The following SUN1 variants were observed in gnomAD, a reference collection of about 807,000 sequenced individuals.
SUN1 encodes the protein SUN domain-containing protein 1.
Under a neutral mutation model 103.2 loss-of-function variants are expected in SUN1, and 61 were observed. The observed-to-expected ratio is 0.59, with a 90% CI of 0.48 to 0.73. The LOEUF (loss-of-function observed/expected upper bound fraction) is 0.73, where lower values mean the gene tolerates loss of function less well. Ranked by LOEUF, SUN1 falls within the 30% of genes least tolerant of loss-of-function variation. SUN1 has a pLI of 0.00. For missense variants in SUN1, 1,052 were observed against 1,034.6 expected (o/e 1.02, Z -0.23); for synonymous variants, 490 against 425.7 (o/e 1.15, Z -1.86).
At chr7:845,731 A>G (rs1394351143) in intron 5 of SUN1, among the ~76,000 whole-genome samples, 1 of 152,214 alleles carries the variant, frequency 6.6e-6, no homozygotes, top group African/African-American at 2.4e-5. Context: ...GTCTTTCAGT[A>G]GTACAGATAA....
rs750763397 is a variant in SUN1 at position 857,916 on chromosome 7, G to A, written c.1483G>A (p.Val495Met). The A allele has an allele frequency of 1.2e-5, 20 of 1,600,760 alleles. No individual in the cohort carries two copies. Among genetic ancestry groups the A allele is most frequent in the East Asian group, 9.0e-5 (4 of 44,428 alleles). ...LKSELSSWRH[V>M]KTGCETVDAV... Reference sequence around the variant, plus strand: ...GTCAGAGCTGTCCAGCTGGCGACACGTGAAGACCGGCTGTGAGACAGTGGA... The same window carrying A: ...GTCAGAGCTGTCCAGCTGGCGACACATGAAGACCGGCTGTGAGACAGTGGA... Residue 495 changes from valine (V) to methionine (M), a missense_variant, in exon 13 of 19, where the codon GTG becomes ATG. By Grantham distance (21) the Val-to-Met change is conservative. Coordinates refer to ENST00000401592, the MANE Select transcript of SUN1 (RefSeq NM_001130965.3).
rs1784996434 is a variant in SUN1 at position 820,579 on chromosome 7, G to A, written c.-74+3906G>A. On this transcript the variant is annotated intron_variant, in intron 1 of 17. Transcript: ENST00000389574. ...TATGCCTCTTGACTGATTGCTCTGGGGAGAACTTCCAGTATAGTGTTGAAG... is the reference window on the plus strand; with the variant it reads ...TATGCCTCTTGACTGATTGCTCTGGAGAGAACTTCCAGTATAGTGTTGAAG... Among the ~76,000 whole-genome samples the A allele has an allele frequency of 2.0e-5, 3 of 152,122 alleles. No individual in the cohort carries two copies. The South Asian group carries it at 6.2e-4, about 32-fold the overall frequency.
At chr7:847,359 T>C (rs1416514617) in intron 5 of SUN1, among the ~76,000 whole-genome samples, 2 of 110,870 alleles carry the variant, frequency 1.8e-5, no homozygotes, top group African/African-American at 3.5e-5. Flanking sequence ...GCGCCCTCTC[T>C]GGGATCTCCT....
Position 857,852 on chromosome 7 carries a change from C to G in SUN1, c.1419C>G (p.Pro473=). 1 of 1,591,614 alleles carries G rather than the reference C, an allele frequency of 6.3e-7. No homozygotes were observed. Among genetic ancestry groups the G allele is most frequent in the African/African-American group, 1.3e-5 (1 of 74,426 alleles). ...TISAVGEQLL[P]TVEHLQLELD... ...GTGCGGTTGGTGAGCAGCTCCTGCC[C>G]ACAGTCGAGCACCTCCAGCTGGAGC... The change falls in exon 13 of 19, where the codon CCC becomes CCG. Residue 473 remains proline (P), a synonymous_variant. Transcript: ENST00000401592.
At chr7:836,643 G>A (rs900005487) in intron 1 of SUN1, among the ~76,000 whole-genome samples, 4 of 152,320 alleles carry the variant, frequency 2.6e-5, no homozygotes, top group African/African-American at 9.6e-5. Flanking sequence ...TGAAGCCTTC[G>A]TGTTCTGTCC....
intron 1 of SUN1, 55 bp downstream of exon 1, chr7:832,656 C>T (rs1044605945): frequency 1.2e-5 from 17 of 1,452,868 alleles, no homozygotes; most frequent in South Asian, 4.7e-5. Flanking sequence ...CTCGCTGTCG[C>T]GGTGGCGTGG....
chr7:854,213 G>A (rs1824916697), intron 10 of SUN1, among the ~76,000 whole-genome samples: 1 of 152,234 alleles, frequency 6.6e-6, no homozygotes, highest in Non-Finnish European at 1.5e-5. Flanking sequence ...GATTGAGCCT[G>A]TTCTTAAGCC....
At chr7:868,494 G>C (rs572480549) in intron 16 of SUN1, 38 of 305,644 alleles carry the variant, frequency 1.2e-4, no homozygotes, top group Middle Eastern at 1.2e-3. Context: ...TGGTCGGATG[G>C]GGGGGCAGTG....
rs1811934380 is a variant in SUN1, at chr7:843,241, T to G, written c.478+9T>G. The G allele has an allele frequency of 6.2e-7, 1 of 1,609,802 alleles. No homozygotes were observed. The highest frequency in any genetic ancestry group is 2.2e-5 in the East Asian group (1 of 44,882). On this transcript the variant is annotated intron_variant, in intron 4 of 18. Transcript: ENST00000401592. ...TGATGGTGATCTTAAAGGTAATTAT[T>G]TTAGTCCTTTTATCTTCATATACTT... is the stretch of plus-strand genomic sequence containing the variant.
intron 7 of SUN1, 76 bp downstream of exon 7, chr7:852,119 T>G (rs1822788646): frequency 1.6e-6 from 2 of 1,275,350 alleles, no homozygotes; most frequent in African/African-American, 1.5e-5. Context: ...CTCATTTGAT[T>G]TGTTATTTTG....
chr7:817,306 G>A (rs369647487), intron 1 of SUN1: 3 of 946,330 alleles, frequency 3.2e-6, no homozygotes, highest in East Asian at 2.6e-5. Context: ...TGCTGCCCAG[G>A]TCGGACTCCT....
intron 5 of SUN1, chr7:850,148 G>A: frequency 1.0e-6 from 1 of 956,496 alleles, no homozygotes; most frequent in South Asian, 1.6e-5. Flanking sequence ...AAACTGACAG[G>A]AATAGTATTA....
intron 6 of SUN1, 93 bp downstream of exon 6, chr7:851,575 T>C: frequency 9.0e-7 from 1 of 1,108,632 alleles, no homozygotes; most frequent in Non-Finnish European, 1.3e-6. Context: ...AAAAATCTCA[T>C]TTAGGCTCTC....
In SUN1 at chr7:857,939, G is replaced by A. The variant is rs1829006886; in HGVS notation, c.1506G>A (p.Val502=). ...ACGTGAAGACCGGCTGTGAGACAGTGGATGCCGTACAAGAAAGAGTGAGCT... is the reference window on the plus strand; with the variant it reads ...ACGTGAAGACCGGCTGTGAGACAGTAGATGCCGTACAAGAAAGAGTGAGCT... ...WRHVKTGCET[V]DAVQERVDVQ... Residue 502 remains valine, a synonymous_variant, in exon 13 of 19, where the codon GTG becomes GTA. Transcript: ENST00000401592. 6.3e-7 allele frequency: 1 copy of A among 1,590,150 alleles called. No individual in the cohort carries two copies. Among genetic ancestry groups the A allele is most frequent in the African/African-American group, 1.3e-5 (1 of 74,470 alleles).
At chr7:854,585 G>A (rs991606613) in intron 10 of SUN1, among the ~76,000 whole-genome samples, 4 of 152,238 alleles carry the variant, frequency 2.6e-5, no homozygotes, top group Admixed American at 6.5e-5. Flanking sequence ...GGGCTCTCAC[G>A]TGGTCTGGTG....
intron 6 of SUN1, 150 bp downstream of exon 6, chr7:851,632 A>T: frequency 1.3e-6 from 1 of 748,386 alleles, no homozygotes; most frequent in Non-Finnish European, 2.2e-6. Context: ...ATGACGTAGC[A>T]ATGTTAACTG....
At chr7:870,590 A>G (rs1199644787) in intron 17 of SUN1, among the ~76,000 whole-genome samples, 9 of 152,176 alleles carry the variant, frequency 5.9e-5, no homozygotes, top group Admixed American at 5.9e-4. Flanking sequence ...TGTCTCAAAA[A>G]AGGAAAGGAA....
intron 5 of SUN1, among the ~76,000 whole-genome samples, chr7:844,848 G>A (rs914129308): frequency 5.9e-5 from 9 of 152,152 alleles, no homozygotes; most frequent in African/African-American, 1.9e-4. Flanking sequence ...CTGAACCCAG[G>A]CGTCTGACCC....
At chr7:841,755 G>A in intron 2 of SUN1, 191 bp from the exon 3 acceptor site, 1 of 598,730 alleles carries the variant, frequency 1.7e-6, no homozygotes, top group Non-Finnish European at 2.9e-6. Context: ...TTTAGAGGGA[G>A]TTCTTGGATC....
Sources: gnomAD v4.1 joint callset for allele counts (sites outside exome capture counted in the v4.1 genomes callset) on GRCh38, gnomAD v4.1.1 for gene constraint, MANE v1.5 for transcripts, NCBI Gene and HGNC (gene_info 2026-07-23, HGNC 2026-07-21) for gene names.